KIF26B: variants seen among roughly 807,000 people sequenced by gnomAD.
The protein encoded by KIF26B is kinesin-like protein KIF26B.
A neutral mutation model predicts 151.2 loss-of-function variants in KIF26B; 63 were observed. That is an observed-to-expected ratio of 0.42 (90% CI 0.34 to 0.51). The LOEUF is 0.51. Among genes scored for constraint, KIF26B ranks in the 20% least tolerant of loss-of-function variants. KIF26B has a pLI of 0.07. For missense variants in KIF26B, 2,813 were observed against 2,913.6 expected (o/e 0.97, Z 0.79); for synonymous variants, 1,357 against 1,262.1 (o/e 1.08, Z -1.59).
chr1:245,418,440 C>CA (rs1164007634), intron 3 of KIF26B, among the ~76,000 whole-genome samples: 1 of 152,198 alleles, frequency 6.6e-6, no homozygotes, highest in Admixed American at 6.5e-5. Context: ...AGTTCCCAGT[C>CA]AATGGGATTC....
rs2044878425 is a variant in KIF26B at position 245,709,344 on chromosome 1, C to T, written c.*6738C>T. 6.6e-6 allele frequency: 1 copy of T among 152,086 alleles called. No individual in the cohort carries two copies. The highest frequency in any genetic ancestry group is 2.4e-5 in the African/African-American group (1 of 41,398). The allele number at this position is 152,086 out of a possible 1,614,324, so 9.4% of individuals were successfully genotyped here. On this transcript the variant is annotated 3_prime_UTR_variant, in exon 15 of 15. Coordinates refer to ENST00000407071, the MANE Select transcript of KIF26B (RefSeq NM_018012.4). ...GGCTACGATCTCTGACTTTTTGTGG[C>T]ATATGAGGTGTAAAATGTTGTCAAA...
intron 4 of KIF26B, among the ~76,000 whole-genome samples, chr1:245,526,025 C>A (rs1023281235): frequency 3.3e-5 from 5 of 152,162 alleles, no homozygotes; most frequent in African/African-American, 1.2e-4. Context: ...CACCTGCCTA[C>A]AAATAACATG....
intron 2 of KIF26B, among the ~76,000 whole-genome samples, chr1:245,284,334 G>C (rs1671128163): frequency 6.6e-6 from 1 of 152,086 alleles, no homozygotes; most frequent in South Asian, 2.1e-4. Context: ...AATTTTTGAG[G>C]ATCTTCTTCC....
intron 10 of KIF26B, among the ~76,000 whole-genome samples, chr1:245,669,761 G>A (rs189141799): frequency 1.9e-3 from 297 of 152,322 alleles, no homozygotes; most frequent in African/African-American, 6.8e-3. Flanking sequence ...GTGGAAAGGA[G>A]TGTGGCAGTT....
chr1:245,463,289 A>T (rs1285985446), intron 4 of KIF26B, among the ~76,000 whole-genome samples: 1 of 152,136 alleles, frequency 6.6e-6, no homozygotes, highest in Non-Finnish European at 1.5e-5. Flanking sequence ...TAGACAAGGG[A>T]CCTGTGGCTC....
rs1352030021 is a variant in KIF26B, at chr1:245,704,597, G to C, written c.*1991G>C. The C allele has an allele frequency of 6.6e-6, 1 of 152,286 alleles. No individual in the cohort carries two copies. The highest frequency in any genetic ancestry group is 1.5e-5 in the Non-Finnish European group (1 of 68,132). 9.4% of individuals were successfully genotyped at this position (152,286 alleles called of 1,614,324 possible). Reference sequence around the variant, plus strand: ...CTAAACTACAGTGAGAGGCTGCTCTGGCATGGCTCGTTCTTCCTTCTGTGT... The same window carrying C: ...CTAAACTACAGTGAGAGGCTGCTCTCGCATGGCTCGTTCTTCCTTCTGTGT... On this transcript the variant is annotated 3_prime_UTR_variant, in exon 15 of 15. Coordinates refer to ENST00000407071, the MANE Select transcript of KIF26B (RefSeq NM_018012.4).
intron 3 of KIF26B, among the ~76,000 whole-genome samples, chr1:245,390,249 C>T (rs1307382896): frequency 6.6e-6 from 1 of 151,000 alleles, no homozygotes; most frequent in Non-Finnish European, 1.5e-5. Flanking sequence ...GACAGAGTCT[C>T]ACTCTGTCGC....
intron 5 of KIF26B, among the ~76,000 whole-genome samples, chr1:245,600,382 G>T (rs1048959855): frequency 6.6e-5 from 10 of 151,438 alleles, no homozygotes; most frequent in Non-Finnish European, 1.5e-4. Flanking sequence ...ACCCAGGCTG[G>T]AGTGCAGTGG....
At chr1:245,441,182 T>C (rs1257855642) in intron 4 of KIF26B, among the ~76,000 whole-genome samples, 1 of 152,088 alleles carries the variant, frequency 6.6e-6, no homozygotes, top group East Asian at 1.9e-4. Flanking sequence ...ACCACCGTAA[T>C]TAAGAGGGGT....
In KIF26B at chr1:245,621,089, C is replaced by T. The variant is rs540167767; in HGVS notation, c.2098+9113C>T. Among the ~76,000 whole-genome samples the T allele has an allele frequency of 4.6e-5, 7 of 152,268 alleles. No homozygotes were observed. The East Asian group carries it at 9.7e-4, about 21-fold the overall frequency. ...GGGCTTTTAAACGCATCCCAGAGTG[C>T]GTGCTGCCCTCCAGCCCAATTAAAT... On this transcript the variant is annotated intron_variant, in intron 9 of 14. Coordinates refer to ENST00000407071, the MANE Select transcript of KIF26B (RefSeq NM_018012.4).
At position 245,308,601 on chromosome 1, in the gene KIF26B, G is replaced by T. The variant is rs76386423; in HGVS notation, c.466-58233G>T. Reference sequence around the variant, plus strand: ...AAAAAGAGTAGCCGGGCATGGTAGCGTGCACCTGTAGTCCCAGCTACATGG... The same window carrying T: ...AAAAAGAGTAGCCGGGCATGGTAGCTTGCACCTGTAGTCCCAGCTACATGG... On this transcript the variant is annotated intron_variant, in intron 2 of 14. Transcript: ENST00000407071. Among the ~76,000 whole-genome samples, 4 of 152,208 alleles carry T rather than the reference G, an allele frequency of 2.6e-5. No individual in the cohort carries two copies. In the East Asian group the frequency reaches 7.7e-4, roughly 29 times the overall value.
intron 2 of KIF26B, among the ~76,000 whole-genome samples, chr1:245,307,649 T>C (rs2102980678): frequency 6.6e-6 from 1 of 152,332 alleles, no homozygotes; most frequent in East Asian, 1.9e-4. Context: ...ATTTCGAAGA[T>C]AGTTGAATCA....
chr1:245,690,959 G>C (rs560967644), intron 12 of KIF26B, among the ~76,000 whole-genome samples: 18 of 152,214 alleles, frequency 1.2e-4, no homozygotes, highest in Non-Finnish European at 2.4e-4. Context: ...GCATCTGCCG[G>C]CCTTCCCAGT....
In KIF26B at chr1:245,495,053, TAAAG is replaced by T. The variant is rs1660486029; in HGVS notation, c.1167-45710_1167-45707del. Among the ~76,000 whole-genome samples, 2 of 150,370 alleles carry T rather than the reference TAAAG, an allele frequency of 1.3e-5. No homozygotes were observed. Among genetic ancestry groups the T allele is most frequent in the Admixed American group, 1.3e-4 (2 of 15,064 alleles). On this transcript the variant is annotated intron_variant, in intron 4 of 14. Coordinates refer to ENST00000407071, the MANE Select transcript of KIF26B (RefSeq NM_018012.4). This position sits in a 1 kb window ranked among gnomAD's most constrained non-coding sequence, Gnocchi z 4.2. ...AAAAGAGAAAAGAAAAGAAAAGAAATAAAGAAAAGAAAAGAAAGAGGAAATTCTG... is the reference window on the plus strand; with the variant it reads ...AAAAGAGAAAAGAAAAGAAAAGAAATAAAAGAAAAGAAAGAGGAAATTCTG...
intron 8 of KIF26B, 143 bp from the exon 9 acceptor site, chr1:245,611,650 A>T: frequency 1.5e-6 from 1 of 687,862 alleles, no homozygotes; most frequent in Non-Finnish European, 2.4e-6. Context: ...ACCTTGTTTC[A>T]GAAGGGTTTT....
At chr1:245,294,806 G>A (rs1047302397) in intron 2 of KIF26B, among the ~76,000 whole-genome samples, 3 of 151,350 alleles carry the variant, frequency 2.0e-5, no homozygotes, top group African/African-American at 7.4e-5. Flanking sequence ...GGGATTACAG[G>A]CACCCACCAA....
chr1:245,283,529 C>T (rs2102969430), intron 2 of KIF26B, among the ~76,000 whole-genome samples: 1 of 152,222 alleles, frequency 6.6e-6, no homozygotes, highest in Non-Finnish European at 1.5e-5. Flanking sequence ...TGACACTGTT[C>T]AGACTTGGGC....
chr1:245,389,601 C>T (rs978884025), intron 3 of KIF26B, among the ~76,000 whole-genome samples: 1 of 152,156 alleles, frequency 6.6e-6, no homozygotes. Context: ...CTGCATATAA[C>T]CATGTTTACC....
At chr1:245,534,431 G>A (rs1281508544) in intron 4 of KIF26B, among the ~76,000 whole-genome samples, 1 of 152,116 alleles carries the variant, frequency 6.6e-6, no homozygotes, top group Non-Finnish European at 1.5e-5. Context: ...AGAGTGCTGG[G>A]ATTACAGGTG....
Sources: gnomAD v4.1 joint callset for allele counts (sites outside exome capture counted in the v4.1 genomes callset) on GRCh38, gnomAD v4.1.1 for gene constraint, Gnocchi (gnomAD v3.1) non-coding constraint, MANE v1.5 for transcripts, NCBI Gene and HGNC (gene_info 2026-07-23, HGNC 2026-07-21) for gene names.